DIAPH3: variants seen among roughly 807,000 people sequenced by gnomAD.
The protein encoded by DIAPH3 is diaphanous related formin 3, also known as protein diaphanous homolog 3.
A neutral mutation model predicts 144.3 loss-of-function variants in DIAPH3; 117 were observed. The ratio of observed to expected loss-of-function variants is 0.81; its 90% CI spans 0.70 to 0.95. The LOEUF is 0.95. Ranked by LOEUF, DIAPH3 falls within the 40% of genes least tolerant of loss-of-function variation. The pLI is 0.00. For synonymous variants in DIAPH3, 519 were observed against 488.9 expected, an observed-to-expected ratio of 1.06 and a Z score of -0.81; for missense variants, 1,421 against 1,412.7, an observed-to-expected ratio of 1.01 and a Z score of -0.09.
chr13:59,887,515 G>A (rs1038540592), intron 20 of DIAPH3, among the ~76,000 whole-genome samples: 7 of 152,086 alleles, frequency 4.6e-5, no homozygotes, highest in African/African-American at 1.7e-4. Context: ...TTAGACTGTG[G>A]TAGATGTTCT....
intron 9 of DIAPH3, among the ~76,000 whole-genome samples, chr13:60,003,132 G>A (rs1482493045): frequency 6.6e-6 from 1 of 152,128 alleles, no homozygotes; most frequent in Non-Finnish European, 1.5e-5. Context: ...TCTGTCCCTG[G>A]TGTCACAAGT....
chr13:59,850,744 A>T (rs1278356726), intron 22 of DIAPH3, among the ~76,000 whole-genome samples: 1 of 151,660 alleles, frequency 6.6e-6, no homozygotes, highest in Non-Finnish European at 1.5e-5. Flanking sequence ...AATACTACAA[A>T]CACCTCTACG....
chr13:59,909,494 A>G (rs1473071790), intron 20 of DIAPH3, among the ~76,000 whole-genome samples: 2 of 152,174 alleles, frequency 1.3e-5, no homozygotes, highest in African/African-American at 4.8e-5. Flanking sequence ...TAAGAACATT[A>G]CTATTTGACA....
chr13:59,860,094 C>T (rs1361947095), intron 22 of DIAPH3, among the ~76,000 whole-genome samples: 1 of 152,104 alleles, frequency 6.6e-6, no homozygotes, highest in East Asian at 1.9e-4. Flanking sequence ...AACAAAGTTT[C>T]AAAGAACATC....
chr13:59,977,471 T>A (rs1257947290), intron 14 of DIAPH3, among the ~76,000 whole-genome samples: 5 of 151,838 alleles, frequency 3.3e-5, no homozygotes, highest in Non-Finnish European at 5.9e-5. Flanking sequence ...TTCCTAAAAA[T>A]CCTGGAGCAT....
chr13:59,871,199 G>T lies in DIAPH3; in HGVS notation c.2607+8030C>A, dbSNP rs376615688. On this transcript the variant is annotated intron_variant, in intron 21 of 27. Coordinates refer to ENST00000400324, the MANE Select transcript of DIAPH3 (RefSeq NM_001042517.2). The stretch of plus-strand genomic sequence containing the variant: ...TTATTTTTTGTCCATTTTTTTTGGG[G>T]GGGGGGGTGGCGGGCATTCTACACA... Among the ~76,000 whole-genome samples, 466 of 145,280 alleles carry T rather than the reference G, an allele frequency of 3.2e-3. 22 individuals carry two copies. In the South Asian group the frequency reaches 0.071, roughly 22 times the overall value.
chr13:59,708,999 C>T (rs1203223954), intron 27 of DIAPH3, among the ~76,000 whole-genome samples: 1 of 152,108 alleles, frequency 6.6e-6, no homozygotes, highest in African/African-American at 2.4e-5. Flanking sequence ...AATCACCTGT[C>T]CTCTCAACAC....
intron 4 of DIAPH3, among the ~76,000 whole-genome samples, chr13:60,055,762 T>G (rs560246242): frequency 1.3e-5 from 2 of 152,080 alleles, no homozygotes; most frequent in South Asian, 4.1e-4. Context: ...TCTCTTCATT[T>G]GTGCAAAAAG....
intron 27 of DIAPH3, among the ~76,000 whole-genome samples, chr13:59,689,802 T>G (rs763976127): frequency 1.7e-4 from 26 of 151,562 alleles, no homozygotes; most frequent in Non-Finnish European, 2.9e-4. Context: ...TGTGTGTGTG[T>G]GTGTGTGTAT....
At chr13:60,153,160 T>A (rs1016992317) in intron 1 of DIAPH3, among the ~76,000 whole-genome samples, 1 of 152,072 alleles carries the variant, frequency 6.6e-6, no homozygotes, top group African/African-American at 2.4e-5. Flanking sequence ...CATGACACAA[T>A]AGATTTTCAC....
chr13:59,762,080 T>TTA (rs1593781875), intron 27 of DIAPH3, among the ~76,000 whole-genome samples: 1 of 80,952 alleles, frequency 1.2e-5, no homozygotes, highest in Non-Finnish European at 2.3e-5. Context: ...TTTTTTTTTT[T>TTA]AGACAGTCTT....
chr13:60,006,761 A>G (rs192441817), intron 9 of DIAPH3, among the ~76,000 whole-genome samples: 50 of 152,308 alleles, frequency 3.3e-4, no homozygotes, highest in African/African-American at 1.1e-3. Flanking sequence ...ACATGAATTA[A>G]AAGACTCTAG....
At chr13:59,856,974 G>T (rs147099468) in intron 22 of DIAPH3, among the ~76,000 whole-genome samples, 3 of 150,036 alleles carry the variant, frequency 2.0e-5, no homozygotes, top group Non-Finnish European at 4.4e-5. Flanking sequence ...ATAATATATC[G>T]TACACAAATT....
chr13:59,817,902 ATC>A (rs1413686581), intron 24 of DIAPH3, among the ~76,000 whole-genome samples: 21 of 151,996 alleles, frequency 1.4e-4, no homozygotes, highest in African/African-American at 5.1e-4. Flanking sequence ...CAAATTCTAA[ATC>A]TCTCTCACTC....
chr13:59,825,114 G>A (rs1401812089), intron 24 of DIAPH3, among the ~76,000 whole-genome samples: 2 of 151,918 alleles, frequency 1.3e-5, no homozygotes, highest in South Asian at 2.1e-4. Context: ...GTATACATGT[G>A]CCATGCTGGT....
intron 14 of DIAPH3, among the ~76,000 whole-genome samples, chr13:59,979,025 G>T (rs1239485902): frequency 6.6e-6 from 1 of 151,582 alleles, no homozygotes; most frequent in Non-Finnish European, 1.5e-5. Context: ...ATTTACATGT[G>T]TCCTTATAAA....
chr13:60,008,932 G>A (rs2053058643), intron 8 of DIAPH3, among the ~76,000 whole-genome samples: 1 of 152,124 alleles, frequency 6.6e-6, no homozygotes, highest in Admixed American at 6.5e-5. Flanking sequence ...TCATTTTAAA[G>A]TATATAACAA....
At chr13:59,691,055 A>G (rs1320471674) in intron 27 of DIAPH3, among the ~76,000 whole-genome samples, 3 of 152,164 alleles carry the variant, frequency 2.0e-5, no homozygotes, top group Admixed American at 1.3e-4. Context: ...GAAGAATAGT[A>G]GGGCATTGCG....
intron 27 of DIAPH3, among the ~76,000 whole-genome samples, chr13:59,668,016 G>A (rs977534772): frequency 6.6e-6 from 1 of 152,156 alleles, no homozygotes; most frequent in Non-Finnish European, 1.5e-5. Context: ...CACTTTCTTG[G>A]ACAATCTCAA....
Sources: gnomAD v4.1 joint callset for allele counts (sites outside exome capture counted in the v4.1 genomes callset) on GRCh38, gnomAD v4.1.1 for gene constraint, MANE v1.5 for transcripts, NCBI Gene and HGNC (gene_info 2026-07-23, HGNC 2026-07-21) for gene names.